The following AGBL4 variants were observed in gnomAD, a reference collection of about 807,000 sequenced individuals.
AGBL4 encodes the protein AGBL carboxypeptidase 4.
AGBL4 carries 58 observed loss-of-function variants against 66.4 expected under a neutral mutation model. The ratio of observed to expected loss-of-function variants is 0.87; its 90% CI spans 0.71 to 1.09. AGBL4 has a LOEUF of 1.09. AGBL4 is among the 50% of genes least tolerant of loss of function. AGBL4 has a pLI of 0.00. For missense variants in AGBL4, 579 were observed against 631.0 expected (o/e 0.92, Z 0.88); for synonymous variants, 234 against 222.9 (o/e 1.05, Z -0.44).
intron 5 of AGBL4, among the ~76,000 whole-genome samples, chr1:49,030,136 G>T (rs1252746291): frequency 5.3e-5 from 8 of 152,106 alleles, no homozygotes; most frequent in Non-Finnish European, 1.2e-4. Flanking sequence ...CTGAATATTT[G>T]TGTCCTCTCA....
chr1:49,585,879 CT>C (rs900935077), intron 3 of AGBL4, among the ~76,000 whole-genome samples: 14 of 152,078 alleles, frequency 9.2e-5, no homozygotes, highest in African/African-American at 3.4e-4. Context: ...AAATGAAAAC[CT>C]AAGTCTTACC....
intron 2 of AGBL4, among the ~76,000 whole-genome samples, chr1:49,709,827 C>G (rs1558182332): frequency 6.6e-6 from 1 of 151,990 alleles, no homozygotes; most frequent in Non-Finnish European, 1.5e-5. Flanking sequence ...ATGCAGCAAA[C>G]AAACATATGA....
At chr1:49,318,532 A>G (rs1645078923) in intron 3 of AGBL4, among the ~76,000 whole-genome samples, 2 of 152,112 alleles carry the variant, frequency 1.3e-5, no homozygotes, top group South Asian at 4.1e-4. Flanking sequence ...CATTAAGGGT[A>G]GGAAACTGAG....
At chr1:49,120,525 C>T (rs966405863) in intron 4 of AGBL4, among the ~76,000 whole-genome samples, 5 of 152,160 alleles carry the variant, frequency 3.3e-5, no homozygotes, top group Non-Finnish European at 5.9e-5. Context: ...TATTGGCCCC[C>T]ACTCTCTTCT....
intron 8 of AGBL4, among the ~76,000 whole-genome samples, chr1:48,635,797 T>A (rs993447495): frequency 6.6e-6 from 1 of 152,204 alleles, no homozygotes; most frequent in Non-Finnish European, 1.5e-5. Context: ...GATGCCTAGA[T>A]ACCAACCATT....
chr1:49,208,633 T>C (rs954009897), intron 4 of AGBL4, among the ~76,000 whole-genome samples: 4 of 152,120 alleles, frequency 2.6e-5, no homozygotes, highest in African/African-American at 9.6e-5. Flanking sequence ...TTTACTTCAC[T>C]CTAAGAGATC....
chr1:49,628,081 T>G (rs1645498703), intron 3 of AGBL4, among the ~76,000 whole-genome samples: 2 of 152,164 alleles, frequency 1.3e-5, no homozygotes. Context: ...CCTGTTTGCA[T>G]AGCGTTCCAT....
At chr1:49,948,009 A>AT (rs1655467881) in intron 1 of AGBL4, among the ~76,000 whole-genome samples, 22 of 31,820 alleles carry the variant, frequency 6.9e-4, no homozygotes, top group Admixed American at 1.2e-3. Context: ...AATATATATA[A>AT]ATATATAAAT....
intron 4 of AGBL4, among the ~76,000 whole-genome samples, chr1:49,241,679 A>C (rs1651250129): frequency 6.6e-6 from 1 of 152,074 alleles, no homozygotes; most frequent in South Asian, 2.1e-4. Context: ...CTACTCAGTA[A>C]GCATTTATTG....
Position 49,150,890 on chromosome 1 carries a change from T to C in AGBL4, c.377+94880A>G, listed in dbSNP as rs762853979. ...ACTCCAGTGATGTCCATTACTGTGC[T>C]TGGCAAATAATGAATACTGAGAAAT... is the stretch of plus-strand genomic sequence containing the variant. On this transcript the variant is annotated intron_variant, in intron 4 of 13. Coordinates refer to ENST00000371839, the MANE Select transcript of AGBL4 (RefSeq NM_032785.4). Among the ~76,000 whole-genome samples, 29 of 152,210 alleles carry C rather than the reference T, an allele frequency of 1.9e-4. 1 individual carries two copies. The highest frequency in any genetic ancestry group is 1.3e-4 in the Admixed American group (2 of 15,274).
At chr1:48,833,128 G>A (rs1646594076) in intron 6 of AGBL4, among the ~76,000 whole-genome samples, 1 of 152,208 alleles carries the variant, frequency 6.6e-6, no homozygotes, top group Admixed American at 6.5e-5. Context: ...TGAGAAGTGG[G>A]ATGCTGCTGC....
At chr1:49,108,108 C>T (rs768328) in intron 4 of AGBL4, among the ~76,000 whole-genome samples, 27,658 of 152,198 alleles carry the variant, frequency 0.18, 3,127 homozygotes, top group East Asian at 0.41. Context: ...CAGGGATCTT[C>T]ACTTTCAACC....
intron 4 of AGBL4, among the ~76,000 whole-genome samples, chr1:49,118,076 G>T (rs906613375): frequency 6.6e-6 from 1 of 152,200 alleles, no homozygotes; most frequent in African/African-American, 2.4e-5. Flanking sequence ...TGTATCATGA[G>T]ACTTTGCTGA....
chr1:49,124,765 T>A (rs1645731993), intron 4 of AGBL4, among the ~76,000 whole-genome samples: 1 of 152,230 alleles, frequency 6.6e-6, no homozygotes, highest in Non-Finnish European at 1.5e-5. Context: ...AGCTGACTGC[T>A]CCAACTATCT....
chr1:48,788,034 GCA>G (rs1645450827), intron 6 of AGBL4, among the ~76,000 whole-genome samples: 2 of 152,214 alleles, frequency 1.3e-5, no homozygotes, highest in African/African-American at 4.8e-5. Context: ...AGTGAAAAGT[GCA>G]CAGGCTTTTA....
In AGBL4 at chr1:50,021,823, C is replaced by T. The variant is rs556290995; in HGVS notation, c.34+1940G>A. ...AATTATTCTAATCATGGCATGCTCC[C>T]ACTTAAAAGCCTTCAATGGCTTCCC... On this transcript the variant is annotated intron_variant, in intron 1 of 13. Coordinates refer to ENST00000371839, the MANE Select transcript of AGBL4 (RefSeq NM_032785.4). Among the ~76,000 whole-genome samples the T allele has an allele frequency of 2.0e-3, 300 of 152,254 alleles. 10 individuals carry two copies. In the South Asian group the frequency reaches 0.061, roughly 31 times the overall value.
At chr1:49,469,953 A>G (rs1200597063) in intron 3 of AGBL4, 1 of 151,900 alleles carries the variant, frequency 6.6e-6, no homozygotes, top group Admixed American at 6.6e-5. Context: ...GACACTTCCT[A>G]ATAGTGTGTC....
chr1:49,681,661 G>A (rs532329782), intron 3 of AGBL4, among the ~76,000 whole-genome samples: 6 of 152,264 alleles, frequency 3.9e-5, no homozygotes, highest in East Asian at 3.9e-4. Flanking sequence ...GGAAAAATAT[G>A]TCTACTACAT....
At chr1:48,638,040 C>T (rs949703621) in intron 8 of AGBL4, among the ~76,000 whole-genome samples, 1 of 152,202 alleles carries the variant, frequency 6.6e-6, no homozygotes, top group Non-Finnish European at 1.5e-5. Flanking sequence ...CAGTTATGTG[C>T]CTCTCCTCTG....
Sources: gnomAD v4.1 joint callset for allele counts (sites outside exome capture counted in the v4.1 genomes callset) on GRCh38, gnomAD v4.1.1 for gene constraint, MANE v1.5 for transcripts, NCBI Gene and HGNC (gene_info 2026-07-23, HGNC 2026-07-21) for gene names.